Variants in PDLIM5 observed in about 807,000 individuals in gnomAD.
PDLIM5 encodes the protein PDZ and LIM domain protein 5.
Under a neutral mutation model 64.2 loss-of-function variants are expected in PDLIM5, and 34 were observed. That is an observed-to-expected ratio of 0.53 (90% CI 0.40 to 0.71). PDLIM5 has a LOEUF of 0.71. PDLIM5 is among the 30% of genes least tolerant of loss of function. PDLIM5 has a pLI of 0.00. For missense variants in PDLIM5, 683 were observed against 733.6 expected (o/e 0.93, Z 0.80); for synonymous variants, 253 against 269.1 (o/e 0.94, Z 0.59).
chr4:94,582,839 ATTTTC>A, intron 5 of PDLIM5: 1 of 737,242 alleles, frequency 1.4e-6, no homozygotes, highest in Non-Finnish European at 2.3e-6. Context: ...CATTATAAGA[ATTTTC>A]AAAAATGTTA....
At chr4:94,600,649 T>G (rs1737421131) in intron 7 of PDLIM5, among the ~76,000 whole-genome samples, 1 of 152,176 alleles carries the variant, frequency 6.6e-6, no homozygotes, top group Non-Finnish European at 1.5e-5. Context: ...TTCTAACTAG[T>G]ATAAATCTCT....
chr4:94,452,187 A>G (rs942568698), intron 1 of PDLIM5, among the ~76,000 whole-genome samples, 192 bp downstream of exon 1: 4 of 152,056 alleles, frequency 2.6e-5, no homozygotes, highest in Non-Finnish European at 4.4e-5. Flanking sequence ...GCTTGGGAAA[A>G]GGAGCGCCCG....
At chr4:94,658,985 C>G (rs1340105605) in intron 11 of PDLIM5, among the ~76,000 whole-genome samples, 2 of 152,160 alleles carry the variant, frequency 1.3e-5, no homozygotes, top group Non-Finnish European at 2.9e-5. Flanking sequence ...TAGCCCATAT[C>G]TAGCCAAAAC....
At chr4:94,586,957 CTTT>C (rs70946535) in intron 7 of PDLIM5, 21,793 of 1,168,464 alleles carry the variant, frequency 0.019, 1 homozygote, top group South Asian at 0.029. Flanking sequence ...TTCTATCACT[CTTT>C]TTTTTTTTTT....
intron 3 of PDLIM5, among the ~76,000 whole-genome samples, chr4:94,542,518 C>G (rs1466296932): frequency 1.3e-5 from 2 of 152,086 alleles, no homozygotes; most frequent in Non-Finnish European, 2.9e-5. Context: ...ATCTTACCTT[C>G]TAGGTAAGAG....
chr4:94,567,975 A>G (rs1332642753), intron 3 of PDLIM5, among the ~76,000 whole-genome samples: 3 of 152,218 alleles, frequency 2.0e-5, no homozygotes, highest in African/African-American at 7.2e-5. Context: ...ATTTAAAGGT[A>G]GTGTCCTGCA....
At chr4:94,577,169 A>G (rs1735338934) in intron 5 of PDLIM5, 1 of 455,278 alleles carries the variant, frequency 2.2e-6, no homozygotes, top group Non-Finnish European at 4.4e-6. Flanking sequence ...AAAGGAAGAC[A>G]AAGGGAAATA....
intron 3 of PDLIM5, among the ~76,000 whole-genome samples, chr4:94,570,515 G>A (rs1469365996): frequency 6.6e-6 from 1 of 152,158 alleles, no homozygotes. Context: ...TTGTTTATAG[G>A]AAATAGAATC....
At chr4:94,488,835 T>A (rs986703319) in intron 2 of PDLIM5, among the ~76,000 whole-genome samples, 1 of 152,218 alleles carries the variant, frequency 6.6e-6, no homozygotes, top group Non-Finnish European at 1.5e-5. Flanking sequence ...TTGGACTGTT[T>A]TAGTCATCAT....
chr4:94,521,814 G>A (rs1444297081), intron 2 of PDLIM5, among the ~76,000 whole-genome samples: 2 of 151,852 alleles, frequency 1.3e-5, no homozygotes, highest in African/African-American at 4.8e-5. Flanking sequence ...ATGTGAGGAT[G>A]GTGAGGTAAT....
intron 5 of PDLIM5, among the ~76,000 whole-genome samples, chr4:94,581,721 A>G (rs1578415532): frequency 6.6e-6 from 1 of 152,324 alleles, no homozygotes; most frequent in East Asian, 1.9e-4. Flanking sequence ...ATCATTGCAG[A>G]ATTGAATAAT....
Position 94,575,612 on chromosome 4 carries a change from A to G in PDLIM5, c.292-4A>G. 5 of 1,538,546 alleles carry G rather than the reference A, an allele frequency of 3.2e-6. No homozygotes were observed. The highest frequency in any genetic ancestry group is 3.5e-6 in the Non-Finnish European group (4 of 1,138,166). Reference sequence around the variant, plus strand: ...TTGTGTATGTTTATTTTTGTTTTACATAGGGAGAACCTAAAGAAGTAGTTA... The same window carrying G: ...TTGTGTATGTTTATTTTTGTTTTACGTAGGGAGAACCTAAAGAAGTAGTTA... On this transcript the variant is annotated splice_region_variant and splice_polypyrimidine_tract_variant and intron_variant, in intron 4 of 12. Transcript: ENST00000317968.
chr4:94,602,553 A>G (rs1737587203), intron 7 of PDLIM5, among the ~76,000 whole-genome samples: 2 of 152,092 alleles, frequency 1.3e-5, no homozygotes, highest in South Asian at 4.1e-4. Flanking sequence ...CCCAGGTTCA[A>G]GTGATTCTCC....
At chr4:94,466,082 C>T (rs1285666782) in intron 2 of PDLIM5, among the ~76,000 whole-genome samples, 1 of 152,116 alleles carries the variant, frequency 6.6e-6, no homozygotes, top group East Asian at 1.9e-4. Context: ...CTACCTCTAC[C>T]TCAGCCTCCC....
Position 94,575,652 on chromosome 4 carries a change from A to C in PDLIM5, c.328A>C (p.Thr110Pro). The change falls in exon 5 of 13, where the codon ACA (threonine) becomes CCA (proline). Residue 110 changes from threonine to proline, a missense_variant. Physicochemically the swap from Thr to Pro is conservative, Grantham distance 38. Transcript: ENST00000317968. The part of the protein sequence containing the change: ...PKEVVKPVPI[T>P]SPAVSKVTST... ...AGAAGTAGTTAAACCTGTGCCCATT[A>C]CATCTCCTGCTGTGTCCAAAGTCAC... The C allele has an allele frequency of 6.2e-7, 1 of 1,603,812 alleles. No individual in the cohort carries two copies. The highest frequency in any genetic ancestry group is 8.5e-7 in the Non-Finnish European group (1 of 1,173,202).
chr4:94,487,354 G>GA (rs1237343669), intron 2 of PDLIM5, among the ~76,000 whole-genome samples: 1 of 152,116 alleles, frequency 6.6e-6, no homozygotes, highest in African/African-American at 2.4e-5. Flanking sequence ...GAAGTTATGA[G>GA]AAAAAAGCAT....
intron 7 of PDLIM5, chr4:94,608,016 T>G: frequency 1.4e-6 from 2 of 1,396,994 alleles, no homozygotes; most frequent in Non-Finnish European, 1.9e-6. Context: ...TACTTTTCAT[T>G]AATATTTCCT....
At position 94,575,633 on chromosome 4, in the gene PDLIM5, A is replaced by G; in HGVS notation, c.309A>G (p.Val103=). The change falls in exon 5 of 13, where the codon GTA becomes GTG. Residue 103 remains valine (V), a synonymous_variant. Coordinates refer to ENST00000317968, the MANE Select transcript of PDLIM5 (RefSeq NM_006457.5). ...TTACATAGGGAGAACCTAAAGAAGT[A>G]GTTAAACCTGTGCCCATTACATCTC... ...VPVQKGEPKE[V]VKPVPITSPA... 3 of 1,586,696 alleles carry G rather than the reference A, an allele frequency of 1.9e-6. No homozygotes were observed. The highest frequency in any genetic ancestry group is 2.6e-6 in the Non-Finnish European group (3 of 1,163,340).
At chr4:94,471,053 A>C (rs982881036) in intron 2 of PDLIM5, among the ~76,000 whole-genome samples, 1 of 152,116 alleles carries the variant, frequency 6.6e-6, no homozygotes, top group Admixed American at 6.5e-5. Flanking sequence ...CTATCATGAG[A>C]GCAGCATGGC....
Sources: allele counts gnomAD v4.1 joint callset (sites outside exome capture counted in the v4.1 genomes callset), GRCh38; gene constraint gnomAD v4.1.1; transcripts MANE v1.5; gene names NCBI Gene and HGNC (gene_info 2026-07-23, HGNC 2026-07-21).